Variants in SMOC2 observed in about 807,000 individuals in gnomAD.
SMOC2 encodes SPARC-related modular calcium-binding protein 2.
SMOC2 carries 39 observed loss-of-function variants against 61.4 expected under a neutral mutation model. The ratio of observed to expected loss-of-function variants is 0.64; its 90% CI spans 0.49 to 0.83. SMOC2 has a LOEUF of 0.83. Among genes scored for constraint, SMOC2 ranks in the 40% least tolerant of loss-of-function variants. SMOC2 has a pLI of 0.00. For missense variants in SMOC2, 556 were observed against 592.9 expected (o/e 0.94, Z 0.65); for synonymous variants, 247 against 239.9 (o/e 1.03, Z -0.27).
At chr6:168,660,999 C>T (rs747845124) in intron 11 of SMOC2, among the ~76,000 whole-genome samples, 1 of 152,168 alleles carries the variant, frequency 6.6e-6, no homozygotes, top group Non-Finnish European at 1.5e-5. Context: ...ATGATCGCTC[C>T]TAGCAAAATA....
At chr6:168,546,976 C>A (rs112812330) in intron 5 of SMOC2, 143 bp from the exon 6 acceptor site, 1 of 908,462 alleles carries the variant, frequency 1.1e-6, no homozygotes, top group Admixed American at 1.7e-5. Context: ...CAGGCAGCAT[C>A]GCGTTGGGTC....
At chr6:168,536,929 CT>C in intron 4 of SMOC2, among the ~76,000 whole-genome samples, 1 of 152,298 alleles carries the variant, frequency 6.6e-6, no homozygotes, top group Non-Finnish European at 1.5e-5. Context: ...TGTCTGAAGC[CT>C]AGGGTATACA....
intron 2 of SMOC2, 92 bp from the exon 3 acceptor site, chr6:168,526,254 T>C: frequency 8.4e-7 from 1 of 1,186,416 alleles, no homozygotes; most frequent in Non-Finnish European, 1.2e-6. Context: ...CACTCCTGCC[T>C]AACTCATGCC....
intron 9 of SMOC2, among the ~76,000 whole-genome samples, chr6:168,634,026 G>A (rs1013845640): frequency 1.3e-5 from 2 of 152,172 alleles, no homozygotes; most frequent in South Asian, 2.1e-4. Context: ...AGAAGGACAT[G>A]TTTGCTTCCC....
intron 7 of SMOC2, among the ~76,000 whole-genome samples, chr6:168,590,724 A>G (rs1164980779): frequency 6.6e-6 from 1 of 152,208 alleles, no homozygotes; most frequent in African/African-American, 2.4e-5. Context: ...TACTGAATCA[A>G]GTAGACTTCA....
At chr6:168,651,210 G>A (rs773269676) in intron 10 of SMOC2, among the ~76,000 whole-genome samples, 7 of 152,228 alleles carry the variant, frequency 4.6e-5, no homozygotes, top group Non-Finnish European at 1.0e-4. Context: ...AAAATGTACA[G>A]CACATACATT....
At chr6:168,444,669 G>T (rs375940773) in intron 1 of SMOC2, among the ~76,000 whole-genome samples, 1 of 152,172 alleles carries the variant, frequency 6.6e-6, no homozygotes, top group African/African-American at 2.4e-5. Context: ...ATGCCACACC[G>T]TGCCCATTTT....
chr6:168,564,651 C>A (rs1308190000), intron 7 of SMOC2, among the ~76,000 whole-genome samples: 2 of 152,144 alleles, frequency 1.3e-5, no homozygotes, highest in Non-Finnish European at 2.9e-5. Context: ...TTGGTAAAGT[C>A]CAGTTTACCT....
intron 4 of SMOC2, among the ~76,000 whole-genome samples, chr6:168,537,060 G>A (rs1172559869): frequency 2.0e-5 from 3 of 152,232 alleles, no homozygotes; most frequent in Non-Finnish European, 4.4e-5. Flanking sequence ...TCCCTCGGCC[G>A]GCCAGTGCCG....
chr6:168,453,335 T>TC lies in SMOC2; in HGVS notation c.84+11883dup, dbSNP rs1339496316. Among the ~76,000 whole-genome samples the TC allele has an allele frequency of 2.0e-5, 3 of 152,160 alleles. No individual in the cohort carries two copies. The highest frequency in any genetic ancestry group is 4.4e-5 in the Non-Finnish European group (3 of 68,020). On this transcript the variant is annotated intron_variant, in intron 1 of 12. Transcript: ENST00000356284. This position sits in a 1 kb window ranked among gnomAD's most constrained non-coding sequence, Gnocchi z 4.4. ...TGTCATTTCGGGCTGTGCCTTTGTCTCCGGGTCTCCTCCTCACTCTTCTCA... is the reference window on the plus strand; with the variant it reads ...TGTCATTTCGGGCTGTGCCTTTGTCTCCCGGGTCTCCTCCTCACTCTTCTCA...
chr6:168,549,269 T>C (rs1291532432), intron 7 of SMOC2, 66 bp downstream of exon 7: 1 of 1,486,644 alleles, frequency 6.7e-7, no homozygotes, highest in African/African-American at 1.4e-5. Context: ...GATGGGGTTT[T>C]TTTTTGGAGT....
intron 1 of SMOC2, among the ~76,000 whole-genome samples, chr6:168,478,400 G>A (rs1206811349): frequency 3.3e-5 from 5 of 152,168 alleles, no homozygotes; most frequent in Admixed American, 3.3e-4. Flanking sequence ...GTCTTTAAAT[G>A]TGTGGAGAAT....
At chr6:168,522,006 T>C (rs557836566) in intron 2 of SMOC2, among the ~76,000 whole-genome samples, 1 of 152,366 alleles carries the variant, frequency 6.6e-6, no homozygotes, top group South Asian at 2.1e-4. Flanking sequence ...AGAAAGTTTT[T>C]ATTTGGTCTA....
intron 4 of SMOC2, among the ~76,000 whole-genome samples, chr6:168,531,005 G>T (rs1783588265): frequency 6.6e-6 from 1 of 152,164 alleles, no homozygotes; most frequent in African/African-American, 2.4e-5. Flanking sequence ...GCCTTCCTCA[G>T]TGGTGCCGTG....
At chr6:168,486,428 CAA>C (rs964630398) in intron 1 of SMOC2, among the ~76,000 whole-genome samples, 7 of 152,012 alleles carry the variant, frequency 4.6e-5, no homozygotes, top group Admixed American at 6.6e-5. Flanking sequence ...CAATTGAACT[CAA>C]GAGAGAAAAA....
intron 1 of SMOC2, among the ~76,000 whole-genome samples, chr6:168,451,599 G>GTCTCTCTCTCTC (rs59096709): frequency 1.3e-3 from 189 of 145,616 alleles, no homozygotes; most frequent in African/African-American, 4.2e-3. Context: ...CTCTGTCTCT[G>GTCTCTCTCTCTC]TCTCTCTCTC....
At chr6:168,515,363 G>A (rs1030572843) in intron 2 of SMOC2, among the ~76,000 whole-genome samples, 5 of 152,180 alleles carry the variant, frequency 3.3e-5, no homozygotes, top group African/African-American at 4.8e-5. Context: ...ACTGTTCCCC[G>A]CGCATCACAG....
At chr6:168,458,961 C>A (rs1781655358) in intron 1 of SMOC2, among the ~76,000 whole-genome samples, 1 of 152,188 alleles carries the variant, frequency 6.6e-6, no homozygotes, top group Non-Finnish European at 1.5e-5. Flanking sequence ...TAAGTACTCC[C>A]TCTGTTGTCA....
At chr6:168,489,119 C>A (rs929692914) in intron 1 of SMOC2, among the ~76,000 whole-genome samples, 1 of 148,756 alleles carries the variant, frequency 6.7e-6, no homozygotes, top group Non-Finnish European at 1.5e-5. Context: ...TATATCAAAT[C>A]GTCTGGGTCC....
Sources: allele counts gnomAD v4.1 joint callset (sites outside exome capture counted in the v4.1 genomes callset), GRCh38; gene constraint gnomAD v4.1.1; non-coding constraint Gnocchi (gnomAD v3.1); transcripts MANE v1.5; gene names NCBI Gene and HGNC (gene_info 2026-07-23, HGNC 2026-07-21).